Variants in PROSER1 observed in about 807,000 individuals in gnomAD.
PROSER1 encodes the protein proline and serine-rich protein 1.
In PROSER1, 36 loss-of-function variants were observed where a neutral mutation model predicts 71.8. The ratio of observed to expected loss-of-function variants is 0.50; its 90% CI spans 0.38 to 0.66. The LOEUF (loss-of-function observed/expected upper bound fraction) is 0.66. Among genes scored for constraint, PROSER1 ranks in the 30% least tolerant of loss-of-function variants. The pLI is 0.00. For synonymous variants in PROSER1, 490 were observed against 452.4 expected, an observed-to-expected ratio of 1.08 and a Z score of -1.06; for missense variants, 1,107 against 1,135.0, an observed-to-expected ratio of 0.98 and a Z score of 0.35.
At position 39,014,323 on chromosome 13, in the gene PROSER1, T is replaced by A. The variant is rs767107368; in HGVS notation, c.929A>T (p.Asn310Ile). 1 of 1,613,994 alleles carries A rather than the reference T, an allele frequency of 6.2e-7. No individual in the cohort carries two copies. Among genetic ancestry groups the A allele is most frequent in the African/African-American group, 1.3e-5 (1 of 74,906 alleles). Residue 310 changes from asparagine to isoleucine, a missense_variant, in exon 11 of 13, where the codon AAT becomes ATT. Physicochemically the swap from Asn to Ile is moderately radical, Grantham distance 149. Transcript: ENST00000352251. The part of the protein sequence containing the change: ...AATVSGMNLL[N>I]TVLPVFPGQV... ...CCCTGGGAACACAGGAAGGACAGTATTCAGCAGGTTCATTCCAGAAACGGT... is the reference window on the plus strand; with the variant it reads ...CCCTGGGAACACAGGAAGGACAGTAATCAGCAGGTTCATTCCAGAAACGGT...
intron 7 of PROSER1, 117 bp from the exon 8 acceptor site, chr13:39,023,247 T>C (rs919946360): frequency 1.4e-6 from 1 of 715,918 alleles, no homozygotes; most frequent in Admixed American, 2.2e-5. Context: ...CATATCATAC[T>C]ACTGGACTAC....
At chr13:39,035,159 GTAGTTCAATATTCACT>G (rs1303273337) in intron 1 of PROSER1, among the ~76,000 whole-genome samples, 1 of 152,184 alleles carries the variant, frequency 6.6e-6, no homozygotes, top group Non-Finnish European at 1.5e-5. Context: ...TGGGTGCTCA[GTAGTTCAATATTCACT>G]GAAAAGGGAG....
chr13:39,020,159 A>G lies in PROSER1; in HGVS notation c.730+2167T>C, dbSNP rs947469201. On this transcript the variant is annotated intron_variant, in intron 9 of 12. Coordinates refer to ENST00000352251, the MANE Select transcript of PROSER1 (RefSeq NM_025138.5). The stretch of plus-strand genomic sequence containing the variant: ...ATTCTATTTATAATTGCAACCAAAA[A>G]TATCTCTAAATTCTATAGACAGATT... Among the ~76,000 whole-genome samples, 4 of 152,148 alleles carry G rather than the reference A, an allele frequency of 2.6e-5. 1 individual carries two copies. The South Asian group carries it at 6.2e-4, about 24-fold the overall frequency.
intron 9 of PROSER1, among the ~76,000 whole-genome samples, chr13:39,020,175 T>C (rs924784048): frequency 1.1e-4 from 16 of 151,552 alleles, no homozygotes; most frequent in Non-Finnish European, 2.2e-4. Flanking sequence ...CTAAATTCTA[T>C]AGACAGATTT....
chr13:39,014,361 T>A lies in PROSER1; in HGVS notation c.891A>T (p.Ala297=). 6.2e-7 allele frequency: 1 copy of A among 1,614,042 alleles called. No homozygotes were observed. Among genetic ancestry groups the A allele is most frequent in the Non-Finnish European group, 8.5e-7 (1 of 1,180,006 alleles). ...SPVKAINHPS[A]SAAATVSGMN... ...TTCCAGAAACGGTGGCAGCTGCTGA[T>A]GCTGATGGATGATTAATTGCCTTGA... Residue 297 remains alanine (A), a synonymous_variant, in exon 11 of 13, where the codon GCA becomes GCT. Coordinates refer to ENST00000352251, the MANE Select transcript of PROSER1 (RefSeq NM_025138.5).
In PROSER1 at chr13:39,012,328, CA is replaced by C. The variant is rs1450783491; in HGVS notation, c.2562-96del. The C allele has an allele frequency of 1.1e-5, 15 of 1,352,224 alleles. No homozygotes were observed. The African/African-American group carries it at 1.9e-4, about 17-fold the overall frequency. The allele number at this position is 1,352,224 out of a possible 1,614,324, so 83.8% of individuals were successfully genotyped here. The stretch of plus-strand genomic sequence containing the variant: ...AAATACAATCTTAAAATGTTAAAAA[CA>C]AAACAAAAACCTTAGAATTTATTCC... On this transcript the variant is annotated intron_variant, in intron 11 of 12. Coordinates refer to ENST00000352251, the MANE Select transcript of PROSER1 (RefSeq NM_025138.5).
chr13:39,027,569 C>T (rs1320582848), intron 5 of PROSER1, among the ~76,000 whole-genome samples: 1 of 152,150 alleles, frequency 6.6e-6, no homozygotes, highest in Non-Finnish European at 1.5e-5. Flanking sequence ...AGTAAATAAA[C>T]ATGGCTCAGA....
Position 39,034,207 on chromosome 13 carries a change from AAAAC to A in PROSER1, c.46-15_46-12del. On this transcript the variant is annotated splice_polypyrimidine_tract_variant and intron_variant, in intron 1 of 12. Transcript: ENST00000352251. ...TTCTGTCAAAACAGCCTAAAAAAAA[AAAAC>A]ACACACACACAGAGTAAAACAGCAT... 5 of 1,578,890 alleles carry A rather than the reference AAAAC, an allele frequency of 3.2e-6. No homozygotes were observed. Among genetic ancestry groups the A allele is most frequent in the East Asian group, 2.3e-5 (1 of 44,246 alleles).
Position 39,015,782 on chromosome 13 carries a change from G to A in PROSER1, c.776-1306C>T, listed in dbSNP as rs933041484. On this transcript the variant is annotated intron_variant, in intron 10 of 12. Transcript: ENST00000352251. The stretch of plus-strand genomic sequence containing the variant: ...CTTAAGTCTTGACCGTATTAATGTT[G>A]TAAGCAGTGATTTGGTTTCAATAAG... Among the ~76,000 whole-genome samples the A allele has an allele frequency of 2.6e-5, 4 of 152,140 alleles. No homozygotes were observed. The East Asian group carries it at 5.8e-4, about 22-fold the overall frequency.
At chr13:39,030,724 G>A (rs1211797190) in intron 3 of PROSER1, among the ~76,000 whole-genome samples, 1 of 151,994 alleles carries the variant, frequency 6.6e-6, no homozygotes, top group Non-Finnish European at 1.5e-5. Flanking sequence ...ACCACCCCAA[G>A]CCCCTTATCA....
At chr13:39,018,493 C>CACACACACACACACAA (rs936506840) in intron 9 of PROSER1, among the ~76,000 whole-genome samples, 1 of 144,170 alleles carries the variant, frequency 6.9e-6, no homozygotes, top group African/African-American at 2.6e-5. Flanking sequence ...CACACACACA[C>CACACACACACACACAA]ACACACACAC....
chr13:39,019,827 T>C (rs1870204532), intron 9 of PROSER1, among the ~76,000 whole-genome samples: 1 of 151,802 alleles, frequency 6.6e-6, no homozygotes, highest in South Asian at 2.1e-4. Flanking sequence ...AAAATTCCTA[T>C]TAAAAGTCTA....
intron 9 of PROSER1, among the ~76,000 whole-genome samples, chr13:39,020,615 T>C (rs1251495033): frequency 6.6e-6 from 1 of 152,144 alleles, no homozygotes; most frequent in Non-Finnish European, 1.5e-5. Flanking sequence ...AAATAAAAAT[T>C]AATTTTTTGT....
intron 9 of PROSER1, 150 bp downstream of exon 9, chr13:39,022,176 T>C: frequency 1.6e-6 from 1 of 625,462 alleles, no homozygotes; most frequent in Non-Finnish European, 2.9e-6. Flanking sequence ...ATGAAAACTG[T>C]CCCACATTAC....
chr13:39,026,571 G>A, intron 5 of PROSER1, 184 bp from the exon 6 acceptor site: 4 of 468,944 alleles, frequency 8.5e-6, no homozygotes, highest in Non-Finnish European at 1.5e-5. Context: ...TTATTTAAAT[G>A]GAATAATTAA....
At chr13:39,011,830 G>A in intron 12 of PROSER1, among the ~76,000 whole-genome samples, 1 of 152,146 alleles carries the variant, frequency 6.6e-6, no homozygotes, top group East Asian at 1.9e-4. Flanking sequence ...ATTTTATCAA[G>A]TGAAATCTAT....
rs1871219759 is a variant in PROSER1 at position 39,037,831 on chromosome 13, C to T, written c.-589G>A. The T allele has an allele frequency of 6.6e-6, 1 of 152,292 alleles. No individual in the cohort carries two copies. Among genetic ancestry groups the T allele is most frequent in the Non-Finnish European group, 1.5e-5 (1 of 68,114 alleles). The allele number at this position is 152,292 out of a possible 1,614,324, so 9.4% of individuals were successfully genotyped here. ...CGACTCCTGGATACCTCGGCCCCGG[C>T]AGCAGGCGGCCCGGCAGGCTCTTTG... is the stretch of plus-strand genomic sequence containing the variant. On this transcript the variant is annotated 5_prime_UTR_variant, in exon 1 of 13. Coordinates refer to ENST00000352251, the MANE Select transcript of PROSER1 (RefSeq NM_025138.5).
intron 3 of PROSER1, among the ~76,000 whole-genome samples, chr13:39,030,326 G>T (rs911702453): frequency 6.6e-6 from 1 of 152,166 alleles, no homozygotes; most frequent in African/African-American, 2.4e-5. Context: ...TCAGTCTTCA[G>T]TGAGAAAACA....
intron 7 of PROSER1, 108 bp from the exon 8 acceptor site, chr13:39,023,238 A>AT (rs1489209070): frequency 2.6e-6 from 2 of 778,772 alleles, no homozygotes; most frequent in African/African-American, 1.7e-5. Flanking sequence ...ATGTCCCCGC[A>AT]TATCATACTA....
Sources: allele counts gnomAD v4.1 joint callset (sites outside exome capture counted in the v4.1 genomes callset), GRCh38; gene constraint gnomAD v4.1.1; transcripts MANE v1.5; gene names NCBI Gene and HGNC (gene_info 2026-07-23, HGNC 2026-07-21).